SLC23A1: variants seen among roughly 807,000 people sequenced by gnomAD.
The protein encoded by SLC23A1 is solute carrier family 23 member 1.
A neutral mutation model predicts 62.5 loss-of-function variants in SLC23A1; 31 were observed. That is an observed-to-expected ratio of 0.50 (90% CI 0.37 to 0.67). The LOEUF (loss-of-function observed/expected upper bound fraction) is 0.67, where lower values mean the gene tolerates loss of function less well. SLC23A1 is among the 30% of genes least tolerant of loss of function. SLC23A1 has a pLI of 0.00. For synonymous variants in SLC23A1, 271 were observed against 313.2 expected (o/e 0.87, Z 1.42); for missense variants, 640 against 782.7 (o/e 0.82, Z 2.18).
intron 13 of SLC23A1, among the ~76,000 whole-genome samples, chr5:139,372,758 T>C (rs922732496): frequency 6.6e-6 from 1 of 152,088 alleles, no homozygotes; most frequent in African/African-American, 2.4e-5. Context: ...CTAATTTTTG[T>C]ATTTTTAGTA....
rs1481727717 is a variant in SLC23A1 at position 139,379,707 on chromosome 5, A to G, written c.896T>C (p.Ile299Thr). 1 of 1,613,862 alleles carries G rather than the reference A, an allele frequency of 6.2e-7. No individual in the cohort carries two copies. The highest frequency in any genetic ancestry group is 8.5e-7 in the Non-Finnish European group (1 of 1,179,980). The change falls in exon 8 of 15, where the codon ATT (isoleucine) becomes ACT (threonine). Residue 299 changes from isoleucine (I) to threonine (T), a missense_variant. Coordinates refer to ENST00000348729, the MANE Select transcript of SLC23A1 (RefSeq NM_005847.5). This position sits in a 1 kb window ranked among gnomAD's most constrained non-coding sequence, Gnocchi z 4.7. ...GTAGGGGATGCGGATCCAGGGTGCA[A>G]TAGCCATGATGTCACCACGGGCATC... ...RTDARGDIMA[I>T]APWIRIPYPC...
At chr5:139,369,606 G>A (rs989144903) in intron 14 of SLC23A1, 7 of 152,664 alleles carry the variant, frequency 4.6e-5, no homozygotes, top group African/African-American at 1.7e-4. Context: ...TCATATTTGG[G>A]TAGGTTAAGC....
Position 139,372,014 on chromosome 5 carries a change from T to C in SLC23A1, c.1789A>G (p.Lys597Glu), listed in dbSNP as rs776824857. 6.2e-7 allele frequency: 1 copy of C among 1,613,744 alleles called. No homozygotes were observed. The highest frequency in any genetic ancestry group is 1.1e-5 in the South Asian group (1 of 91,074). The change falls in exon 14 of 15, where the codon AAG (lysine) becomes GAG (glutamate). Residue 597 changes from lysine to glutamate, a missense_variant. Lys to Glu is a moderately conservative substitution (Grantham distance 56, BLOSUM62 1). Coordinates refer to ENST00000348729, the MANE Select transcript of SLC23A1 (RefSeq NM_005847.5). Reference sequence around the variant, plus strand: ...TTCCTGGAAGTCATTTTTCAGACCTTGGTGCACACAGATGCAGTTTCTGTA... The same window carrying C: ...TTCCTGGAAGTCATTTTTCAGACCTCGGTGCACACAGATGCAGTTTCTGTA... ...ENTETASVCT[K>E]V
At position 139,370,864 on chromosome 5, in the gene SLC23A1, G is replaced by A. The variant is rs572684626; in HGVS notation, c.*19+1123C>T. On this transcript the variant is annotated intron_variant, in intron 14 of 14. Coordinates refer to ENST00000348729, the MANE Select transcript of SLC23A1 (RefSeq NM_005847.5). ...CCAGTACTTTGGGAGGTCAAGGTAGGTGGATCATTTGAGGTTAGGAGTTTG... is the reference window on the plus strand; with the variant it reads ...CCAGTACTTTGGGAGGTCAAGGTAGATGGATCATTTGAGGTTAGGAGTTTG... Among the ~76,000 whole-genome samples, 7 of 152,142 alleles carry A rather than the reference G, an allele frequency of 4.6e-5. No individual in the cohort carries two copies. The South Asian group carries it at 1.2e-3, about 27-fold the overall frequency.
intron 14 of SLC23A1, chr5:139,368,651 A>T: frequency 3.4e-6 from 3 of 876,830 alleles, no homozygotes; most frequent in East Asian, 2.5e-5. Flanking sequence ...TTTTTGGAAG[A>T]TGTTTTTGCA....
chr5:139,380,368 A>T lies in SLC23A1; in HGVS notation c.487T>A (p.Ser163Thr). 6.2e-7 allele frequency: 1 copy of T among 1,613,304 alleles called. No homozygotes were observed. Among genetic ancestry groups the T allele is most frequent in the South Asian group, 1.1e-5 (1 of 90,878 alleles). ...IREVQGAIMV[S>T]SVVEVVIGLL... ...CCAATCACCACCTCCACCACGCTGG[A>T]CACCATGATTGCACCCTGGACCTGG... Residue 163 changes from serine (S) to threonine (T), a missense_variant, in exon 6 of 15, where the codon TCC becomes ACC. Transcript: ENST00000348729.
intron 4 of SLC23A1, 47 bp downstream of exon 4, chr5:139,380,751 T>A (rs1359564703): frequency 6.8e-7 from 1 of 1,480,282 alleles, no homozygotes; most frequent in African/African-American, 1.4e-5. Flanking sequence ...CCTCCAGGTC[T>A]CTGGGCCTCC....
At chr5:139,368,792 T>C in intron 14 of SLC23A1, 4 of 1,610,748 alleles carry the variant, frequency 2.5e-6, no homozygotes, top group Non-Finnish European at 3.4e-6. Context: ...AGTACGGAAA[T>C]ATTTGAGTAG....
rs1243048496 is a variant in SLC23A1, at chr5:139,379,737, C to T, written c.866G>A (p.Arg289Gln). 11 of 1,613,968 alleles carry T rather than the reference C, an allele frequency of 6.8e-6. No individual in the cohort carries two copies. Among genetic ancestry groups the T allele is most frequent in the South Asian group, 1.1e-5 (1 of 91,076 alleles). ...CATGATGTCACCACGGGCATCGGTT[C>T]GTGCCTGGAAGCCATAGGCTTTTGG... is the stretch of plus-strand genomic sequence containing the variant. The part of the protein sequence containing the change: ...TDPKAYGFQA[R>Q]TDARGDIMAI... The change falls in exon 8 of 15, where the codon CGA (arginine) becomes CAA (glutamine). Residue 289 changes from arginine to glutamine, a missense_variant. Coordinates refer to ENST00000348729, the MANE Select transcript of SLC23A1 (RefSeq NM_005847.5). This position sits in a 1 kb window ranked among gnomAD's most constrained non-coding sequence, Gnocchi z 4.7.
chr5:139,382,648 G>T, intron 1 of SLC23A1, 43 bp from the exon 2 acceptor site: 2 of 1,238,344 alleles, frequency 1.6e-6, no homozygotes, highest in Non-Finnish European at 2.4e-6. Context: ...AAGTGATGGG[G>T]ACAGGCAAAA....
chr5:139,383,260 G>C lies in SLC23A1; in HGVS notation c.-7C>G. 1 of 1,599,312 alleles carries C rather than the reference G, an allele frequency of 6.3e-7. No homozygotes were observed. Among genetic ancestry groups the C allele is most frequent in the Non-Finnish European group, 8.5e-7 (1 of 1,174,538 alleles). ...GGTCCTCCTGGGCCCTCATCTTTGG[G>C]GCACAGGTTTGAGCAGTTCCTGAGG... is the stretch of plus-strand genomic sequence containing the variant. On this transcript the variant is annotated 5_prime_UTR_variant, in exon 1 of 15. Coordinates refer to ENST00000348729, the MANE Select transcript of SLC23A1 (RefSeq NM_005847.5).
chr5:139,381,758 G>A (rs953006382), intron 3 of SLC23A1, 134 bp downstream of exon 3: 2 of 706,308 alleles, frequency 2.8e-6, no homozygotes, highest in African/African-American at 3.5e-5. Context: ...GGCTGGCCTG[G>A]GATAGGAGAA....
At chr5:139,376,177 A>ATTTTTT (rs1554159745) in intron 13 of SLC23A1, among the ~76,000 whole-genome samples, 1,584 of 142,394 alleles carry the variant, frequency 0.011, 19 homozygotes, top group African/African-American at 0.029. Flanking sequence ...CGATGTTTTA[A>ATTTTTT]TTTTTTTTTT....
upstream of SLC23A1, chr5:139,384,719 C>G: frequency 1.0e-6 from 1 of 985,414 alleles, no homozygotes; most frequent in Non-Finnish European, 1.2e-6. Flanking sequence ...GAACACGGTC[C>G]CAGATCCACA....
At chr5:139,381,860 C>T (rs1442582470) in intron 3 of SLC23A1, 32 bp downstream of exon 3, 42 of 963,056 alleles carry the variant, frequency 4.4e-5, no homozygotes, top group Admixed American at 2.5e-4. Context: ...GGAGGGGTGG[C>T]GGGGGACGGG....
rs1419317290 is a variant in SLC23A1, at chr5:139,379,915, C to T, written c.768+41G>A. On this transcript the variant is annotated intron_variant, in intron 7 of 14. Transcript: ENST00000348729. This position sits in a 1 kb window ranked among gnomAD's most constrained non-coding sequence, Gnocchi z 4.7. ...ACCTGCTCCCACCTCAGCCCAAGCCCTGGCCATAGTCCCAGCCCCAGCCGC... is the reference window on the plus strand; with the variant it reads ...ACCTGCTCCCACCTCAGCCCAAGCCTTGGCCATAGTCCCAGCCCCAGCCGC... 2 of 1,614,120 alleles carry T rather than the reference C, an allele frequency of 1.2e-6. No homozygotes were observed. The highest frequency in any genetic ancestry group is 2.2e-5 in the East Asian group (1 of 44,874).
In SLC23A1 at chr5:139,382,002, C is replaced by T. The variant is rs1349781742; in HGVS notation, c.198G>A (p.Leu66=). ...FSGTIAVPFL[L]AEALCVGHDQ... ...CGTGGCCCACACACAGCGCCTCAGC[C>T]AGCAGGAAGGGCACGGCGATGGTAC... Residue 66 remains leucine (L), a synonymous_variant, in exon 3 of 15, where the codon CTG becomes CTA. Transcript: ENST00000348729. 6.2e-6 allele frequency: 10 copies of T among 1,608,146 alleles called. No homozygotes were observed. Among genetic ancestry groups the T allele is most frequent in the Non-Finnish European group, 7.6e-6 (9 of 1,177,372 alleles).
chr5:139,369,259 T>C (rs542230171), intron 14 of SLC23A1: 1 of 153,518 alleles, frequency 6.5e-6, no homozygotes, highest in East Asian at 1.9e-4. Context: ...TTTGAGATAA[T>C]TTGTTAAAGG....
chr5:139,379,738 G>A lies in SLC23A1; in HGVS notation c.865C>T (p.Arg289Ter), dbSNP rs377613010. The A allele has an allele frequency of 7.4e-6, 12 of 1,613,950 alleles. No individual in the cohort carries two copies. The highest frequency in any genetic ancestry group is 1.1e-5 in the South Asian group (1 of 91,086). ...TDPKAYGFQA[R>*]TDARGDIMAI... The stretch of plus-strand genomic sequence containing the variant: ...ATGATGTCACCACGGGCATCGGTTC[G>A]TGCCTGGAAGCCATAGGCTTTTGGG... Residue 289 changes from arginine to a stop codon, truncating the protein, a stop_gained, in exon 8 of 15, where the codon CGA becomes TGA. Transcript: ENST00000348729. LOFTEE classifies it high-confidence loss of function. The surrounding 1 kb of genome is among the most constrained non-coding windows in gnomAD (Gnocchi z 4.7).
Sources: gnomAD v4.1 joint callset for allele counts (sites outside exome capture counted in the v4.1 genomes callset) on GRCh38, gnomAD v4.1.1 for gene constraint, Gnocchi (gnomAD v3.1) non-coding constraint, MANE v1.5 for transcripts, NCBI Gene and HGNC (gene_info 2026-07-23, HGNC 2026-07-21) for gene names.